The following RAD51B variants were observed in gnomAD, a reference collection of about 807,000 sequenced individuals.
The protein encoded by RAD51B is RAD51 paralog B.
A neutral mutation model predicts 42.2 loss-of-function variants in RAD51B; 38 were observed. The observed-to-expected ratio is 0.90, with a 90% CI of 0.70 to 1.18. The LOEUF (loss-of-function observed/expected upper bound fraction) is 1.18. Among genes scored for constraint, RAD51B ranks in the 50% most tolerant of loss-of-function variants. The pLI, the probability that RAD51B is intolerant of heterozygous loss-of-function variation, is 0.00. For synonymous variants in RAD51B, 154 were observed against 145.2 expected, an observed-to-expected ratio of 1.06 and a Z score of -0.43; for missense variants, 373 against 400.7, an observed-to-expected ratio of 0.93 and a Z score of 0.59.
chr14:68,614,004 A>G (rs1891774563), downstream of RAD51B, among the ~76,000 whole-genome samples: 1 of 152,198 alleles, frequency 6.6e-6, no homozygotes, highest in South Asian at 2.1e-4. Flanking sequence ...ATAAACTGTA[A>G]AGTGCCTCAC....
chr14:68,567,031 G>C (rs1416152183), intron 10 of RAD51B, among the ~76,000 whole-genome samples: 9 of 152,150 alleles, frequency 5.9e-5, no homozygotes, highest in African/African-American at 2.2e-4. Flanking sequence ...CCGGCACGGT[G>C]GCTCACGCCT....
chr14:67,904,132 C>T lies in RAD51B; in HGVS notation c.756+16928C>T, dbSNP rs116377666. On this transcript the variant is annotated intron_variant, in intron 7 of 10. Coordinates refer to ENST00000471583, the MANE Select transcript of RAD51B (RefSeq NM_133510.4). The stretch of plus-strand genomic sequence containing the variant: ...AGTATTTCATGGTATATATGTACCA[C>T]ATTTTCTTTATCTCGTTCACCGTTA... 8.3e-3 allele frequency among the ~76,000 whole-genome samples: 1,258 copies of T among 152,200 alleles called. 23 individuals carry two copies. Among genetic ancestry groups the T allele is most frequent in the African/African-American group, 0.028 (1,180 of 41,466 alleles).
chr14:68,588,575 C>T (rs1295112091), intron 10 of RAD51B, among the ~76,000 whole-genome samples: 2 of 152,142 alleles, frequency 1.3e-5, no homozygotes, highest in Admixed American at 6.5e-5. Context: ...TGAATGAATG[C>T]GGTCTGGCAG....
chr14:68,016,668 C>T (rs2140340746), intron 7 of RAD51B, among the ~76,000 whole-genome samples: 1 of 152,292 alleles, frequency 6.6e-6, no homozygotes, highest in African/African-American at 2.4e-5. Flanking sequence ...CACTTTTACC[C>T]AGGCTCTGCT....
chr14:68,274,669 ATAAT>A (rs1046451746), intron 7 of RAD51B, among the ~76,000 whole-genome samples: 7 of 152,290 alleles, frequency 4.6e-5, no homozygotes, highest in South Asian at 2.1e-4. Context: ...AATGTCACAA[ATAAT>A]TAATAATTAT....
chr14:68,157,924 C>T (rs1022978), intron 7 of RAD51B, among the ~76,000 whole-genome samples: 124,639 of 151,664 alleles, frequency 0.82, 51,449 homozygotes, highest in East Asian at 0.98. Flanking sequence ...AACTATTCAT[C>T]TGAGTGTTTA....
At chr14:68,215,429 G>A (rs1056536032) in intron 7 of RAD51B, among the ~76,000 whole-genome samples, 22 of 152,246 alleles carry the variant, frequency 1.4e-4, no homozygotes, top group Admixed American at 1.3e-3. Flanking sequence ...GAGTGGTGGT[G>A]GGAACAATTA....
chr14:68,586,184 C>T (rs1266335890), intron 10 of RAD51B, among the ~76,000 whole-genome samples: 2 of 152,106 alleles, frequency 1.3e-5, no homozygotes, highest in East Asian at 1.9e-4. Context: ...AGTCCTGTTC[C>T]GAGGACAGTA....
chr14:68,259,417 G>T (rs532931343), intron 7 of RAD51B, among the ~76,000 whole-genome samples: 1 of 151,778 alleles, frequency 6.6e-6, no homozygotes, highest in African/African-American at 2.4e-5. Flanking sequence ...AAACCTGCAC[G>T]TTGTGCACAT....
At chr14:68,428,764 T>TATATATATAA (rs2084922575) in intron 9 of RAD51B, among the ~76,000 whole-genome samples, 1 of 103,708 alleles carries the variant, frequency 9.6e-6, no homozygotes, top group Non-Finnish European at 2.0e-5. Context: ...TATATATATA[T>TATATATATAA]AATTATTATA....
chr14:68,375,251 C>T (rs2083343547), intron 8 of RAD51B, among the ~76,000 whole-genome samples: 1 of 152,128 alleles, frequency 6.6e-6, no homozygotes, highest in South Asian at 2.1e-4. Context: ...CACCCTCCTT[C>T]CCCGCTCTCA....
chr14:67,955,613 C>T (rs1231835211), intron 7 of RAD51B, among the ~76,000 whole-genome samples: 1 of 152,168 alleles, frequency 6.6e-6, no homozygotes, highest in Non-Finnish European at 1.5e-5. Flanking sequence ...CCTTAATTTT[C>T]AGAATTGGTG....
At chr14:68,243,503 A>AT (rs1373655441) in intron 7 of RAD51B, among the ~76,000 whole-genome samples, 2 of 151,950 alleles carry the variant, frequency 1.3e-5, no homozygotes, top group African/African-American at 4.8e-5. Context: ...GACCTTGCTG[A>AT]TTTTTTTGAT....
rs200355697 is a variant in RAD51B, at chr14:67,825,518, C to G, written c.139C>G (p.Arg47Gly). 2 of 1,613,714 alleles carry G rather than the reference C, an allele frequency of 1.2e-6. No individual in the cohort carries two copies. The highest frequency in any genetic ancestry group is 1.7e-4 in the Middle Eastern group (1 of 6,060). The change falls in exon 3 of 11, where the codon CGA becomes GGA. Residue 47 changes from arginine to glycine, a missense_variant. Transcript: ENST00000471583. ...TATGAAGGTGACTGGTCTGAGTTAT[C>G]GAGGTGTCCATGAACTTCTATGTAT... ...ELMKVTGLSY[R>G]GVHELLCMVS...
intron 7 of RAD51B, among the ~76,000 whole-genome samples, chr14:68,247,031 C>A (rs556990083): frequency 2.0e-5 from 3 of 152,176 alleles, no homozygotes; most frequent in Admixed American, 1.3e-4. Context: ...AAGAAGTAAA[C>A]CCTGAACTAA....
At chr14:68,294,210 C>A (rs2081570329) in intron 8 of RAD51B, among the ~76,000 whole-genome samples, 1 of 152,160 alleles carries the variant, frequency 6.6e-6, no homozygotes, top group Non-Finnish European at 1.5e-5. Flanking sequence ...CCACAAGAAA[C>A]CCCTGACTTG....
At chr14:68,572,243 C>T (rs1351884017) in intron 10 of RAD51B, among the ~76,000 whole-genome samples, 1 of 152,242 alleles carries the variant, frequency 6.6e-6, no homozygotes, top group Non-Finnish European at 1.5e-5. Flanking sequence ...CTATTGGTCC[C>T]CTAGTGTCTC....
intron 10 of RAD51B, among the ~76,000 whole-genome samples, chr14:68,639,304 C>A (rs546772494): frequency 3.3e-5 from 5 of 152,192 alleles, no homozygotes; most frequent in Non-Finnish European, 5.9e-5. Flanking sequence ...GTGAGGGGGG[C>A]TCTGCTGTCT....
intron 8 of RAD51B, among the ~76,000 whole-genome samples, chr14:68,317,309 A>G (rs200695167): frequency 2.6e-5 from 1 of 39,036 alleles, no homozygotes; most frequent in Non-Finnish European, 4.8e-5. Context: ...CTTTGAACAT[A>G]TTTATTTACG....
Sources: gnomAD v4.1 joint callset for allele counts (sites outside exome capture counted in the v4.1 genomes callset) on GRCh38, gnomAD v4.1.1 for gene constraint, MANE v1.5 for transcripts, NCBI Gene and HGNC (gene_info 2026-07-23, HGNC 2026-07-21) for gene names.